The following IGFL4 variants were observed in gnomAD, a reference collection of about 807,000 sequenced individuals.
The protein encoded by IGFL4 is insulin growth factor-like family member 4.
In IGFL4, 12 loss-of-function variants were observed where a neutral mutation model predicts 15.4. The ratio of observed to expected loss-of-function variants is 0.78; its 90% CI spans 0.50 to 1.26. The LOEUF is 1.26. IGFL4 is among the 50% of genes most tolerant of loss of function. The pLI is 0.00. For missense variants in IGFL4, 126 were observed against 147.8 expected (o/e 0.85, Z 0.76); for synonymous variants, 54 against 55.9 (o/e 0.97, Z 0.16).
intron 1 of IGFL4, among the ~76,000 whole-genome samples, chr19:46,071,915 C>A (rs1051386140): frequency 2.6e-5 from 4 of 152,018 alleles, no homozygotes; most frequent in African/African-American, 7.3e-5. Context: ...CCCAGCTACT[C>A]GGGAGTCTGA....
At chr19:46,041,837 C>CTTTTTTTT (rs11334515), upstream of IGFL4, among the ~76,000 whole-genome samples, 1 of 109,870 alleles carries the variant, frequency 9.1e-6, no homozygotes, top group African/African-American at 3.4e-5. Flanking sequence ...TCCTCTCTCT[C>CTTTTTTTT]TTTTTTTTTT....
At chr19:46,057,974 C>G (rs1187783528) in intron 2 of IGFL4, 1 of 152,116 alleles carries the variant, frequency 6.6e-6, no homozygotes, top group African/African-American at 2.4e-5. Context: ...GGTAGGGACA[C>G]AGCCAAACCA....
At chr19:46,068,837 A>T (rs1969519064) in intron 1 of IGFL4, among the ~76,000 whole-genome samples, 1 of 152,222 alleles carries the variant, frequency 6.6e-6, no homozygotes, top group Non-Finnish European at 1.5e-5. Flanking sequence ...CAGGGCAATC[A>T]CATTCGGGAT....
chr19:46,041,316 C>T (rs760575644), upstream of IGFL4, among the ~76,000 whole-genome samples: 2 of 152,176 alleles, frequency 1.3e-5, no homozygotes, highest in Non-Finnish European at 2.9e-5. Context: ...TCTTGCTTAT[C>T]TAAGATCAAA....
chr19:46,054,363 G>A (rs1022657201), intron 2 of IGFL4, among the ~76,000 whole-genome samples: 2 of 152,152 alleles, frequency 1.3e-5, no homozygotes, highest in Non-Finnish European at 2.9e-5. Flanking sequence ...TAAAGAGACT[G>A]TCCTTTCCCC....
At chr19:46,059,704 T>C (rs1286084698) in intron 2 of IGFL4, 1 of 152,250 alleles carries the variant, frequency 6.6e-6, no homozygotes, top group Non-Finnish European at 1.5e-5. Flanking sequence ...CAATTTGCTT[T>C]ATTATACTTG....
intron 1 of IGFL4, among the ~76,000 whole-genome samples, chr19:46,063,306 T>C (rs1969462698): frequency 6.7e-6 from 1 of 149,144 alleles, no homozygotes. Context: ...TTTTCTCTAT[T>C]CAAAAGAACA....
intron 2 of IGFL4, among the ~76,000 whole-genome samples, chr19:46,049,974 C>T (rs1018373320): frequency 6.6e-6 from 1 of 152,192 alleles, no homozygotes; most frequent in African/African-American, 2.4e-5. Context: ...GACCTAAAGA[C>T]GGATCACATC....
upstream of IGFL4, among the ~76,000 whole-genome samples, chr19:46,044,037 A>G (rs1969273613): frequency 6.6e-6 from 1 of 152,096 alleles, no homozygotes; most frequent in African/African-American, 2.4e-5. Context: ...ACCCATGGAG[A>G]ACGAAGAAAT....
intron 2 of IGFL4, among the ~76,000 whole-genome samples, chr19:46,056,384 T>C (rs1969392976): frequency 6.6e-6 from 1 of 152,076 alleles, no homozygotes; most frequent in Non-Finnish European, 1.5e-5. Flanking sequence ...CTAATTAGAG[T>C]CCCTTATATG....
chr19:46,052,026 C>G (rs1969349496), intron 2 of IGFL4, among the ~76,000 whole-genome samples: 1 of 152,108 alleles, frequency 6.6e-6, no homozygotes, highest in Non-Finnish European at 1.5e-5. Context: ...GACAGCAACA[C>G]AGTAATAGTG....
At chr19:46,058,808 G>A (rs1190606752) in intron 2 of IGFL4, 2 of 152,188 alleles carry the variant, frequency 1.3e-5, no homozygotes, top group African/African-American at 4.8e-5. Flanking sequence ...TTTTATCCAT[G>A]GCTAGAGCAA....
chr19:46,054,694 C>T (rs1969377462), intron 2 of IGFL4, among the ~76,000 whole-genome samples: 1 of 152,026 alleles, frequency 6.6e-6, no homozygotes. Context: ...ACATAAATAC[C>T]TCAAGGACCT....
chr19:46,073,820 A>G (rs932782306), intron 1 of IGFL4, among the ~76,000 whole-genome samples: 9 of 152,176 alleles, frequency 5.9e-5, no homozygotes, highest in African/African-American at 2.2e-4. Context: ...TGGACACTGG[A>G]AGTCTTTAAA....
chr19:46,045,421 T>C (rs1260483940), upstream of IGFL4, among the ~76,000 whole-genome samples: 15 of 138,986 alleles, frequency 1.1e-4, no homozygotes, highest in Admixed American at 7.5e-4. Flanking sequence ...CCAGCCTGGG[T>C]GACAAGAGTG....
intron 1 of IGFL4, among the ~76,000 whole-genome samples, chr19:46,073,046 G>C (rs1320942923): frequency 6.6e-6 from 1 of 152,164 alleles, no homozygotes; most frequent in African/African-American, 2.4e-5. Flanking sequence ...TCCTGGAGCA[G>C]GAAGTGGACA....
At chr19:46,069,495 A>AT (rs1308434728) in intron 1 of IGFL4, among the ~76,000 whole-genome samples, 1 of 152,078 alleles carries the variant, frequency 6.6e-6, no homozygotes, top group East Asian at 1.9e-4. Context: ...TAGTGTTTGT[A>AT]TTTTTCCATA....
intron 2 of IGFL4, chr19:46,057,575 G>C (rs755974848): frequency 6.6e-6 from 1 of 152,200 alleles, no homozygotes; most frequent in Non-Finnish European, 1.5e-5. Flanking sequence ...CCTAAGGGCT[G>C]CTGGTTGCCC....
At position 46,075,037 on chromosome 19, in the gene IGFL4, T is replaced by C. The variant is rs190737515; in HGVS notation, c.-432+1983A>G. Among the ~76,000 whole-genome samples, 5 of 151,946 alleles carry C rather than the reference T, an allele frequency of 3.3e-5. No individual in the cohort carries two copies. In the East Asian group the frequency reaches 9.7e-4, roughly 29 times the overall value. ...TTTCAATGGGAAGAACAGAAAGAATTTGTGGCTATCTTAAACCTACCACTT... is the reference window on the plus strand; with the variant it reads ...TTTCAATGGGAAGAACAGAAAGAATCTGTGGCTATCTTAAACCTACCACTT... On this transcript the variant is annotated intron_variant, in intron 1 of 5. Transcript: ENST00000601672.
Sources: gnomAD v4.1 joint callset for allele counts (sites outside exome capture counted in the v4.1 genomes callset) on GRCh38, gnomAD v4.1.1 for gene constraint, MANE v1.5 for transcripts, NCBI Gene and HGNC (gene_info 2026-07-23, HGNC 2026-07-21) for gene names.